PINK1: variants seen among roughly 807,000 people sequenced by gnomAD.
PINK1 encodes the protein PTEN induced kinase 1.
PINK1 carries 58 observed loss-of-function variants against 56.0 expected under a neutral mutation model. The ratio of observed to expected loss-of-function variants is 1.04; its 90% confidence interval spans 0.84 to 1.29. PINK1 has a LOEUF of 1.29. PINK1 is among the 50% of genes most tolerant of loss of function. The probability of loss-of-function intolerance (pLI) is 0.00; values close to 1 mark genes in which losing one functional copy is unlikely to be tolerated. For missense variants in PINK1, 745 were observed against 777.9 expected (o/e 0.96, Z 0.50); for synonymous variants, 354 against 339.3 (o/e 1.04, Z -0.48).
chr1:20,650,337 T>C (rs1002411042), intron 7 of PINK1, 97 bp from the exon 8 acceptor site: 2 of 1,503,580 alleles, frequency 1.3e-6, no homozygotes, highest in South Asian at 1.2e-5. Flanking sequence ...AGAATTGGGT[T>C]GGGACCAGAG....
Position 20,648,585 on chromosome 1 carries a change from A to G in PINK1, c.1204A>G (p.Ser402Gly). The change falls in exon 6 of 8, where the codon AGC (serine) becomes GGC (glycine). Residue 402 changes from serine to glycine, a missense_variant. Coordinates refer to ENST00000321556, the MANE Select transcript of PINK1 (RefSeq NM_032409.3). ...ESIGLQLPFSSWYVDRGGNGC... is the reference protein window; with the variant it reads ...ESIGLQLPFSGWYVDRGGNGC... ...CATCGGCCTGCAGTTGCCCTTCAGC[A>G]GCTGGTACGTGGATCGGGGCGGAAA... The G allele has an allele frequency of 6.2e-7, 1 of 1,614,134 alleles. No homozygotes were observed. Among genetic ancestry groups the G allele is most frequent in the Non-Finnish European group, 8.5e-7 (1 of 1,180,032 alleles).
Position 20,644,571 on chromosome 1 carries a change from G to A in PINK1, c.858G>A (p.Pro286=), listed in dbSNP as rs148144773. The change falls in exon 4 of 8, where the codon CCG becomes CCA. Residue 286 remains proline, a synonymous_variant. Coordinates refer to ENST00000321556, the MANE Select transcript of PINK1 (RefSeq NM_032409.3). Reference sequence around the variant, plus strand: ...TCCGCGCCTTCACCTCTTCCGTGCCGCTGCTGCCAGGGGCCCTGGTCGACT... The same window carrying A: ...TCCGCGCCTTCACCTCTTCCGTGCCACTGCTGCCAGGGGCCCTGGTCGACT... ...RVLRAFTSSV[P]LLPGALVDYP... The A allele has an allele frequency of 1.6e-4, 266 of 1,614,090 alleles. No homozygotes were observed. The highest frequency in any genetic ancestry group is 5.0e-5 in the Non-Finnish European group (59 of 1,180,046).
At position 20,644,484 on chromosome 1, in the gene PINK1, G is replaced by A. The variant is rs749951690; in HGVS notation, c.777-6G>A. 8 of 1,614,162 alleles carry A rather than the reference G, an allele frequency of 5.0e-6. No homozygotes were observed. In the Admixed American group the frequency reaches 8.3e-5, roughly 17 times the overall value. The stretch of plus-strand genomic sequence containing the variant: ...CCTCATATGTTTGTCTCACTTGGCT[G>A]ACTAGAAAATCCAAGAGAGGTCCCA... On this transcript the variant is annotated splice_polypyrimidine_tract_variant and splice_region_variant and intron_variant, in intron 3 of 7. Coordinates refer to ENST00000321556, the MANE Select transcript of PINK1 (RefSeq NM_032409.3).
chr1:20,648,570 C>CAGTT lies in PINK1; in HGVS notation c.1190_1193dup (p.Pro399ValfsTer33). 6.2e-7 allele frequency: 1 copy of CAGTT among 1,614,144 alleles called. No individual in the cohort carries two copies. Among genetic ancestry groups the CAGTT allele is most frequent in the Non-Finnish European group, 8.5e-7 (1 of 1,180,026 alleles). On this transcript the variant is annotated frameshift_variant, in exon 6 of 8. Coordinates refer to ENST00000321556, the MANE Select transcript of PINK1 (RefSeq NM_032409.3). LOFTEE classifies it high-confidence loss of function. Reference sequence around the variant, plus strand: ...CCTGGCTGATGAGAGCATCGGCCTGCAGTTGCCCTTCAGCAGCTGGTACGT... The same window carrying CAGTT: ...CCTGGCTGATGAGAGCATCGGCCTGCAGTTAGTTGCCCTTCAGCAGCTGGTACGT...
At chr1:20,635,212 ATTT>A (rs1008924874) in intron 1 of PINK1, among the ~76,000 whole-genome samples, 1 of 152,128 alleles carries the variant, frequency 6.6e-6, no homozygotes, top group South Asian at 2.1e-4. Flanking sequence ...CATTAAAAAA[ATTT>A]TTTTTGGTCA....
intron 1 of PINK1, among the ~76,000 whole-genome samples, chr1:20,635,159 C>T (rs745406749): frequency 6.6e-6 from 1 of 152,218 alleles, no homozygotes; most frequent in Non-Finnish European, 1.5e-5. Context: ...GCACACTTCA[C>T]CCTCCTATGC....
In PINK1 at chr1:20,633,586, T is replaced by A; in HGVS notation, c.38T>A (p.Leu13Gln). 1 of 1,228,264 alleles carries A rather than the reference T, an allele frequency of 8.1e-7. No individual in the cohort carries two copies. Among genetic ancestry groups the A allele is most frequent in the Non-Finnish European group, 1.0e-6 (1 of 987,048 alleles). The allele number at this position is 1,228,264 out of a possible 1,614,324, so 76.1% of individuals were successfully genotyped here. Reference protein sequence around the residue: ...VRQALGRGLQLGRALLLRFTG... With the variant: ...VRQALGRGLQQGRALLLRFTG... ...CAGGCGCTGGGCCGCGGCCTGCAGC[T>A]GGGTCGAGCGCTGCTGCTGCGCTTC... Residue 13 changes from leucine to glutamine, a missense_variant, in exon 1 of 8, where the codon CTG becomes CAG. Physicochemically the swap from Leu to Gln is moderately radical, Grantham distance 113. Transcript: ENST00000321556.
chr1:20,634,029 G>C (rs1024029502), intron 1 of PINK1, 94 bp downstream of exon 1: 1 of 1,461,352 alleles, frequency 6.8e-7, no homozygotes, highest in African/African-American at 1.4e-5. Flanking sequence ...GTGTGGAGGC[G>C]GGGCTCTGAG....
chr1:20,644,448 T>A (rs1221905956), intron 3 of PINK1, 42 bp from the exon 4 acceptor site: 2 of 1,597,784 alleles, frequency 1.3e-6, no homozygotes, highest in Non-Finnish European at 1.7e-6. Flanking sequence ...AGGTGTTGTA[T>A]CTGATGCTGG....
rs747994596 is a variant in PINK1 at position 20,644,520 on chromosome 1, C to T, written c.807C>T (p.Ala269=). The T allele has an allele frequency of 1.9e-6, 3 of 1,614,178 alleles. No homozygotes were observed. In the East Asian group the frequency reaches 6.7e-5, roughly 36 times the overall value. Residue 269 remains alanine (A), a synonymous_variant, in exon 4 of 8, where the codon GCC becomes GCT. Transcript: ENST00000321556. The stretch of plus-strand genomic sequence containing the variant: ...CCAAGAGAGGTCCCAAGCAACTAGC[C>T]CCTCACCCCAACATCATCCGGGTTC... ...RKSKRGPKQL[A]PHPNIIRVLR...
At chr1:20,644,160 C>T (rs1376035308) in intron 3 of PINK1, among the ~76,000 whole-genome samples, 1 of 152,134 alleles carries the variant, frequency 6.6e-6, no homozygotes, top group Admixed American at 6.5e-5. Flanking sequence ...CAAGGACTTA[C>T]AGTGGCAGAC....
intron 3 of PINK1, 38 bp downstream of exon 3, chr1:20,640,030 T>C: frequency 6.5e-7 from 1 of 1,528,030 alleles, no homozygotes. Context: ...CTGGGACTTC[T>C]TTGAGAGCAA....
rs1034789713 is a variant in PINK1 at position 20,639,921 on chromosome 1, C to A, written c.705C>A (p.Asn235Lys). 1 of 1,613,070 alleles carries A rather than the reference C, an allele frequency of 6.2e-7. No homozygotes were observed. Among genetic ancestry groups the A allele is most frequent in the Non-Finnish European group, 8.5e-7 (1 of 1,179,720 alleles). ...GTTCCTCCAGCGAAGCCATCTTGAA[C>A]ACAATGAGCCAGGAGCTGGTCCCAG... ...SAGSSSEAIL[N>K]TMSQELVPAS... The change falls in exon 3 of 8, where the codon AAC becomes AAA. Residue 235 changes from asparagine (N) to lysine (K), a missense_variant. Physicochemically the swap from Asn to Lys is moderately conservative, Grantham distance 94. Coordinates refer to ENST00000321556, the MANE Select transcript of PINK1 (RefSeq NM_032409.3).
chr1:20,635,562 T>C (rs1333260621), intron 1 of PINK1, among the ~76,000 whole-genome samples: 1 of 151,224 alleles, frequency 6.6e-6, no homozygotes, highest in Admixed American at 6.6e-5. Context: ...ATTTAAAAAA[T>C]TCTGGGCCGG....
At chr1:20,648,777 C>A in intron 6 of PINK1, 145 bp downstream of exon 6, 1 of 1,440,594 alleles carries the variant, frequency 6.9e-7, no homozygotes. Context: ...TGCCACTTTG[C>A]TTTCCTCCGG....
rs557503577 is a variant in PINK1 at position 20,644,566 on chromosome 1, G to C, written c.853G>C (p.Val285Leu). ...IRVLRAFTSS[V>L]PLLPGALVDY... ...GGTTCTCCGCGCCTTCACCTCTTCC[G>C]TGCCGCTGCTGCCAGGGGCCCTGGT... Residue 285 changes from valine (V) to leucine (L), a missense_variant, in exon 4 of 8, where the codon GTG (valine) becomes CTG (leucine). By Grantham distance (32) the Val-to-Leu change is conservative. Coordinates refer to ENST00000321556, the MANE Select transcript of PINK1 (RefSeq NM_032409.3). 4.3e-6 allele frequency: 7 copies of C among 1,614,174 alleles called. No homozygotes were observed. Among genetic ancestry groups the C allele is most frequent in the Non-Finnish European group, 5.9e-6 (7 of 1,180,036 alleles).
intron 2 of PINK1, chr1:20,638,646 CA>C: frequency 5.1e-6 from 1 of 197,854 alleles, no homozygotes; most frequent in Non-Finnish European, 1.0e-5. Flanking sequence ...TGTCTCAAAA[CA>C]AAACAAACAA....
intron 3 of PINK1, among the ~76,000 whole-genome samples, chr1:20,643,435 A>G (rs916639192): frequency 6.6e-6 from 1 of 152,248 alleles, no homozygotes; most frequent in African/African-American, 2.4e-5. Flanking sequence ...CACTTATTCA[A>G]CAAAGGTTTA....
intron 1 of PINK1, among the ~76,000 whole-genome samples, chr1:20,636,300 C>T (rs1290830243): frequency 6.6e-6 from 1 of 150,914 alleles, no homozygotes; most frequent in Non-Finnish European, 1.5e-5. Flanking sequence ...TATATATACA[C>T]ACACACGTTG....
Sources: allele counts gnomAD v4.1 joint callset (sites outside exome capture counted in the v4.1 genomes callset), GRCh38; gene constraint gnomAD v4.1.1; transcripts MANE v1.5; gene names NCBI Gene and HGNC (gene_info 2026-07-23, HGNC 2026-07-21).